Variants in SGCD observed in about 807,000 individuals in gnomAD.
SGCD encodes delta-sarcoglycan.
A neutral mutation model predicts 36.6 loss-of-function variants in SGCD; 18 were observed. The ratio of observed to expected loss-of-function variants is 0.49; its 90% CI spans 0.34 to 0.73. The LOEUF (loss-of-function observed/expected upper bound fraction) is 0.73, where lower values mean the gene tolerates loss of function less well. Among genes scored for constraint, SGCD ranks in the 30% least tolerant of loss-of-function variants. The pLI, the probability that SGCD is intolerant of heterozygous loss-of-function variation, is 0.01. For synonymous variants in SGCD, 133 were observed against 130.6 expected (o/e 1.02, Z -0.12); for missense variants, 387 against 346.7 (o/e 1.12, Z -0.92).
intron 1 of SGCD, among the ~76,000 whole-genome samples, chr5:155,874,379 G>C (rs926732380): frequency 1.3e-5 from 2 of 152,074 alleles, no homozygotes; most frequent in Non-Finnish European, 2.9e-5. Context: ...TTTTGACTTT[G>C]TCAAAGACTT....
At chr5:155,825,273 C>A in the SGCD span, among the ~76,000 whole-genome samples, 3 of 152,158 alleles carry the variant, frequency 2.0e-5, no homozygotes, top group Non-Finnish European at 2.9e-5. Context: ...AACATACAAA[C>A]TTCATTAGCA....
At chr5:156,747,759 G>A (rs552937556) in intron 7 of SGCD, among the ~76,000 whole-genome samples, 18 of 152,048 alleles carry the variant, frequency 1.2e-4, no homozygotes, top group Admixed American at 6.6e-5. Context: ...TCCAGCCCAC[G>A]TTGAGGGGAG....
At chr5:155,847,151 A>G in the SGCD span, among the ~76,000 whole-genome samples, 1 of 152,220 alleles carries the variant, frequency 6.6e-6, no homozygotes, top group Admixed American at 6.5e-5. Flanking sequence ...GAATGGGTAC[A>G]TGTGCATGTG....
At chr5:155,920,881 A>T (rs969104650) in intron 1 of SGCD, among the ~76,000 whole-genome samples, 2 of 152,166 alleles carry the variant, frequency 1.3e-5, no homozygotes, top group Non-Finnish European at 2.9e-5. Context: ...GGAGCCTCAG[A>T]CAATCCGCTA....
In SGCD at chr5:156,767,205, G is replaced by A. The variant is rs886060323; in HGVS notation, c.*7815G>A. The A allele has an allele frequency of 6.6e-6, 1 of 152,022 alleles. No homozygotes were observed. Among genetic ancestry groups the A allele is most frequent in the Non-Finnish European group, 1.5e-5 (1 of 68,006 alleles). The allele number at this position is 152,022 out of a possible 1,614,324, so 9.4% of individuals were successfully genotyped here. A position where few individuals can be genotyped will look rare whatever the true frequency, so the allele number is the denominator to read the frequency against. On this transcript the variant is annotated 3_prime_UTR_variant, in exon 9 of 9. Transcript: ENST00000337851. ...TTCTAGAAAAGTAAAGGGAAGTGTC[G>A]GCACATCTAAATTTAGTGAACACAA...
At chr5:156,460,887 C>G (rs528315013) in intron 3 of SGCD, among the ~76,000 whole-genome samples, 1 of 152,124 alleles carries the variant, frequency 6.6e-6, no homozygotes, top group Non-Finnish European at 1.5e-5. Flanking sequence ...GGTGGCTATG[C>G]CTTGTCATTC....
the SGCD span, among the ~76,000 whole-genome samples, chr5:155,779,971 A>G: frequency 3.9e-5 from 6 of 152,292 alleles, no homozygotes; most frequent in South Asian, 1.0e-3. Flanking sequence ...ATCTATATAA[A>G]CTTTGGGGCA....
At chr5:156,229,808 T>C (rs1380171122) in intron 3 of SGCD, among the ~76,000 whole-genome samples, 2 of 152,136 alleles carry the variant, frequency 1.3e-5, no homozygotes, top group Non-Finnish European at 2.9e-5. Context: ...ATTCTTAGGT[T>C]TGGTCGTTTA....
At chr5:156,126,116 A>G (rs1156463670) in intron 3 of SGCD, among the ~76,000 whole-genome samples, 1 of 151,926 alleles carries the variant, frequency 6.6e-6, no homozygotes, top group Non-Finnish European at 1.5e-5. Flanking sequence ...CCTGAACTCA[A>G]GTGATCCTAC....
At chr5:156,185,825 G>GTGTGTGTGTATATATATATA (rs1474938495) in intron 3 of SGCD, among the ~76,000 whole-genome samples, 1 of 12,694 alleles carries the variant, frequency 7.9e-5, no homozygotes, top group Non-Finnish European at 1.5e-4. Context: ...CCATATATAT[G>GTGTGTGTGTATATATATATA]TGTGTGTGTA....
At chr5:155,804,854 C>T in the SGCD span, among the ~76,000 whole-genome samples, 6,633 of 152,188 alleles carry the variant, frequency 0.044, 313 homozygotes, top group African/African-American at 0.11. Flanking sequence ...ATTGATAAAA[C>T]ACCATCTATG....
the SGCD span, among the ~76,000 whole-genome samples, chr5:155,762,313 A>G: frequency 2.0e-5 from 3 of 152,170 alleles, no homozygotes; most frequent in African/African-American, 4.8e-5. Flanking sequence ...AAGACAGCTG[A>G]ATGAAATTAT....
At chr5:156,755,673 C>A (rs948355446) in intron 7 of SGCD, among the ~76,000 whole-genome samples, 3 of 152,136 alleles carry the variant, frequency 2.0e-5, no homozygotes, top group Non-Finnish European at 4.4e-5. Context: ...TCAGCACAAC[C>A]TGGTGAAGGT....
intron 3 of SGCD, among the ~76,000 whole-genome samples, chr5:156,369,715 T>C (rs1770284254): frequency 6.6e-6 from 1 of 152,196 alleles, no homozygotes; most frequent in Non-Finnish European, 1.5e-5. Flanking sequence ...GCTCTTCTGC[T>C]TTGCAAACTC....
At chr5:155,859,795 T>C in the SGCD span, among the ~76,000 whole-genome samples, 3 of 152,130 alleles carry the variant, frequency 2.0e-5, no homozygotes, top group Non-Finnish European at 2.9e-5. Context: ...TGACCTTATG[T>C]GGTACAGAGG....
chr5:156,121,345 A>T (rs1410996918), intron 2 of SGCD, among the ~76,000 whole-genome samples: 1 of 152,134 alleles, frequency 6.6e-6, no homozygotes, highest in African/African-American at 2.4e-5. Context: ...TCCTAGAGGG[A>T]TAGGTATTTT....
At chr5:156,271,523 A>G (rs895943848) in intron 3 of SGCD, among the ~76,000 whole-genome samples, 4 of 152,168 alleles carry the variant, frequency 2.6e-5, no homozygotes, top group Non-Finnish European at 4.4e-5. Context: ...TTTGTTTTTC[A>G]CTTGTATAAA....
At chr5:156,096,665 A>G (rs1761383346) in intron 1 of SGCD, among the ~76,000 whole-genome samples, 1 of 152,178 alleles carries the variant, frequency 6.6e-6, no homozygotes, top group Admixed American at 6.5e-5. Context: ...TGGATTTTCT[A>G]AGCAAGCATA....
chr5:156,120,129 T>C (rs1762000513), intron 2 of SGCD, among the ~76,000 whole-genome samples: 1 of 152,222 alleles, frequency 6.6e-6, no homozygotes, highest in Non-Finnish European at 1.5e-5. Flanking sequence ...TTTCTGAAGC[T>C]GTGCCCTCTG....
Sources: allele counts gnomAD v4.1 joint callset (sites outside exome capture counted in the v4.1 genomes callset), GRCh38; gene constraint gnomAD v4.1.1; transcripts MANE v1.5; gene names NCBI Gene and HGNC (gene_info 2026-07-23, HGNC 2026-07-21).